Variants in H2BC18 observed in about 807,000 individuals in gnomAD.
The protein encoded by H2BC18 is H2B clustered histone 18, also known as histone H2B type 2-F.
H2BC18 carries 8 observed loss-of-function variants against 6.3 expected under a neutral mutation model. The ratio of observed to expected loss-of-function variants is 1.28; its 90% CI spans 0.75 to 2.31. H2BC18 has a LOEUF of 2.31. H2BC18 is among the 30% of genes most tolerant of loss of function. The probability of loss-of-function intolerance (pLI) is 0.00; values close to 1 mark genes in which losing one functional copy is unlikely to be tolerated. For synonymous variants in H2BC18, 104 were observed against 78.1 expected (o/e 1.33, Z -1.75); for missense variants, 106 against 174.5 (o/e 0.61, Z 2.21).
Position 149,785,075 on chromosome 1 carries a change from T to C in H2BC18, c.378-1815A>G, listed in dbSNP as rs1468593436. 2.0e-5 allele frequency among the ~76,000 whole-genome samples: 3 copies of C among 152,256 alleles called. No homozygotes were observed. The East Asian group carries it at 5.8e-4, about 29-fold the overall frequency. ...AAAGCCCACCACCCACTTAAACCTG[T>C]AAGGAGTTTCTATTCATCAAGAGAT... On this transcript the variant is annotated intron_variant, in intron 1 of 1. Coordinates refer to the H2BC18 transcript ENST00000545683.
chr1:149,805,415 A>C (rs1402044999), intron 1 of H2BC18: 1 of 152,116 alleles, frequency 6.6e-6, no homozygotes, highest in Non-Finnish European at 1.5e-5. Context: ...TAATGTCAAT[A>C]CTGCCCTTCA....
downstream of H2BC18, chr1:149,810,506 A>T (rs1553754297): frequency 1.3e-5 from 2 of 152,114 alleles, no homozygotes; most frequent in East Asian, 3.8e-4. Flanking sequence ...TTCCCCCAAG[A>T]TTTATCAAGA....
At chr1:149,788,289 G>A in intron 1 of H2BC18, 5 of 1,609,852 alleles carry the variant, frequency 3.1e-6, no homozygotes, top group Non-Finnish European at 4.2e-6. Flanking sequence ...GAAAAAATAG[G>A]AAGCCCACAG....
intron 1 of H2BC18, chr1:149,793,128 C>G (rs1276493785): frequency 7.8e-7 from 1 of 1,274,340 alleles, no homozygotes; most frequent in Non-Finnish European, 1.0e-6. Context: ...CAGGTGCGCC[C>G]GGCCGAGCCT....
intron 1 of H2BC18, among the ~76,000 whole-genome samples, chr1:149,789,296 G>A (rs1344615904): frequency 1.3e-5 from 2 of 152,114 alleles, no homozygotes; most frequent in African/African-American, 2.4e-5. Context: ...GGGAGGCTGA[G>A]GCAGGAGAAT....
chr1:149,812,136 A>G lies in H2BC18; in HGVS notation c.188T>C (p.Met63Thr). ...GAAGATGTCGTTGACGAAGGAGTTCATGATGCCCATGGCCTTGGACGAGAT... is the reference window on the plus strand; with the variant it reads ...GAAGATGTCGTTGACGAAGGAGTTCGTGATGCCCATGGCCTTGGACGAGAT... The part of the protein sequence containing the change: ...TGISSKAMGI[M>T]NSFVNDIFER... Residue 63 changes from methionine (M) to threonine (T), a missense_variant, in exon 1 of 1, where the codon ATG (methionine) becomes ACG (threonine). Met to Thr is a moderately conservative substitution (Grantham distance 81). Around this residue, in one of 3 missense-constraint regions of H2BC18, gnomAD observed 35 missense variants for 72.3 expected, o/e 0.48. Coordinates refer to ENST00000369167, the MANE Select transcript of H2BC18 (RefSeq NM_001024599.5). 6.2e-7 allele frequency: 1 copy of G among 1,614,274 alleles called. No homozygotes were observed. The highest frequency in any genetic ancestry group is 8.5e-7 in the Non-Finnish European group (1 of 1,180,046).
intron 1 of H2BC18, among the ~76,000 whole-genome samples, chr1:149,796,034 C>G (rs587747109): frequency 1.2e-3 from 180 of 151,874 alleles, no homozygotes; most frequent in Non-Finnish European, 4.0e-4. Context: ...TAGGTACAGA[C>G]TTCTTTGTTA....
rs674732 is a variant in H2BC18 at position 149,790,030 on chromosome 1, G to T, written c.378-6770C>A. Reference sequence around the variant, plus strand: ...ACCTGGATGCTAAACAGGCAACCTTGTCCCCCATCAACTTTCTCCTTAGAG... The same window carrying T: ...ACCTGGATGCTAAACAGGCAACCTTTTCCCCCATCAACTTTCTCCTTAGAG... On this transcript the variant is annotated intron_variant, in intron 1 of 1. Coordinates refer to the H2BC18 transcript ENST00000545683. 20 of 1,611,682 alleles carry T rather than the reference G, an allele frequency of 1.2e-5. 1 individual carries two copies. In the South Asian group the frequency reaches 2.2e-4, roughly 18 times the overall value.
chr1:149,788,218 T>C, intron 1 of H2BC18: 1 of 1,553,526 alleles, frequency 6.4e-7, no homozygotes, highest in East Asian at 2.3e-5. Flanking sequence ...GCTAAAGATA[T>C]TTGAGGAACT....
At chr1:149,798,815 G>GT (rs1553753027) in intron 1 of H2BC18, among the ~76,000 whole-genome samples, 1 of 152,058 alleles carries the variant, frequency 6.6e-6, no homozygotes, top group Admixed American at 6.5e-5. Context: ...GTCTTGCTTT[G>GT]TTGCCCAGGC....
chr1:149,802,718 C>T (rs1457293992), intron 1 of H2BC18, among the ~76,000 whole-genome samples: 1 of 152,166 alleles, frequency 6.6e-6, no homozygotes, highest in African/African-American at 2.4e-5. Context: ...CACAGTGCAG[C>T]CTTCAGTCTG....
intron 1 of H2BC18, among the ~76,000 whole-genome samples, chr1:149,795,841 A>G (rs1406748817): frequency 2.0e-5 from 3 of 151,792 alleles, no homozygotes; most frequent in African/African-American, 4.9e-5. Context: ...CCTAAAATAA[A>G]CAACAATCCT....
chr1:149,784,105 G>A (rs782696264), intron 1 of H2BC18: 17 of 1,611,858 alleles, frequency 1.1e-5, no homozygotes, highest in Non-Finnish European at 1.4e-5. Flanking sequence ...CCTGGGAGCA[G>A]CTCTACACAG....
At chr1:149,791,502 C>T (rs1228096392) in intron 1 of H2BC18, 16 of 1,609,494 alleles carry the variant, frequency 9.9e-6, no homozygotes, top group Non-Finnish European at 1.4e-5. Context: ...GGAAGGAGCC[C>T]CAGGGGGCCA....
downstream of H2BC18, chr1:149,810,410 G>A (rs600762): frequency 1.3e-5 from 2 of 151,980 alleles, no homozygotes; most frequent in African/African-American, 4.8e-5. Context: ...CATGTATACC[G>A]CATTTTATAT....
intron 1 of H2BC18, among the ~76,000 whole-genome samples, chr1:149,793,579 C>G (rs1553752469): frequency 6.6e-6 from 1 of 150,748 alleles, no homozygotes; most frequent in African/African-American, 2.5e-5. Flanking sequence ...AGGAATCTTT[C>G]TTCTCCCTGG....
intron 1 of H2BC18, chr1:149,786,899 C>T (rs1401842714): frequency 3.3e-5 from 5 of 152,050 alleles, no homozygotes; most frequent in African/African-American, 1.2e-4. Flanking sequence ...TTGAAAATTG[C>T]TTTGTGGCCT....
At chr1:149,793,334 A>G (rs1382028943) in intron 1 of H2BC18, 1 of 1,147,628 alleles carries the variant, frequency 8.7e-7, no homozygotes, top group African/African-American at 1.7e-5. Flanking sequence ...CCTCACCGTC[A>G]AAAGCAGGAA....
Position 149,798,808 on chromosome 1 carries a change from T to C in H2BC18, c.377+13139A>G, listed in dbSNP as rs587688097. Among the ~76,000 whole-genome samples, 4 of 152,252 alleles carry C rather than the reference T, an allele frequency of 2.6e-5. No homozygotes were observed. In the East Asian group the frequency reaches 7.7e-4, roughly 29 times the overall value. ...TTTACTTTTTGTAGAGACAGGGGTC[T>C]TGCTTTGTTGCCCAGGCTGATCTTG... is the stretch of plus-strand genomic sequence containing the variant. On this transcript the variant is annotated intron_variant, in intron 1 of 1. Transcript: ENST00000545683.
Sources: allele counts gnomAD v4.1 joint callset (sites outside exome capture counted in the v4.1 genomes callset), GRCh38; gene constraint gnomAD v4.1.1; regional missense constraint gnomAD v4.1.1; transcripts MANE v1.5; gene names NCBI Gene and HGNC (gene_info 2026-07-23, HGNC 2026-07-21).